Variants in RAP1GDS1 observed in about 807,000 individuals in gnomAD.
RAP1GDS1 encodes the protein Rap1 GTPase-GDP dissociation stimulator 1, also known as RAP1, GTP-GDP dissociation stimulator 1.
In RAP1GDS1, 35 loss-of-function variants were observed where a neutral mutation model predicts 71.1. The ratio of observed to expected loss-of-function variants is 0.49; its 90% CI spans 0.38 to 0.65. RAP1GDS1 has a LOEUF of 0.65. RAP1GDS1 is among the 30% of genes least tolerant of loss of function. The probability of loss-of-function intolerance (pLI) is 0.00; values close to 1 mark genes in which losing one functional copy is unlikely to be tolerated. For synonymous variants in RAP1GDS1, 229 were observed against 243.1 expected, an observed-to-expected ratio of 0.94 and a Z score of 0.54; for missense variants, 663 against 706.1, an observed-to-expected ratio of 0.94 and a Z score of 0.69.
At chr4:98,301,886 G>T (rs1408731772) in intron 2 of RAP1GDS1, among the ~76,000 whole-genome samples, 2 of 152,122 alleles carry the variant, frequency 1.3e-5, no homozygotes, top group African/African-American at 2.4e-5. Flanking sequence ...GAAGTGTTCT[G>T]TAGAAATAAG....
chr4:98,373,051 T>A (rs1242133833), intron 4 of RAP1GDS1, among the ~76,000 whole-genome samples: 1 of 152,244 alleles, frequency 6.6e-6, no homozygotes, highest in Non-Finnish European at 1.5e-5. Flanking sequence ...CTTAACATAC[T>A]TTTATCATTT....
chr4:98,393,454 A>C (rs1234311126), intron 6 of RAP1GDS1, among the ~76,000 whole-genome samples: 1 of 151,374 alleles, frequency 6.6e-6, no homozygotes, highest in Non-Finnish European at 1.5e-5. Flanking sequence ...AGTATTTGAC[A>C]AAGTTATTCT....
intron 2 of RAP1GDS1, among the ~76,000 whole-genome samples, chr4:98,303,414 G>A (rs1728855377): frequency 6.6e-6 from 1 of 151,722 alleles, no homozygotes; most frequent in Admixed American, 6.6e-5. Flanking sequence ...ATGTAAAATA[G>A]TCATTAATAG....
intron 3 of RAP1GDS1, among the ~76,000 whole-genome samples, chr4:98,344,033 G>T (rs77513208): frequency 6.6e-6 from 1 of 152,012 alleles, no homozygotes; most frequent in African/African-American, 2.4e-5. Flanking sequence ...AGGAATTTGC[G>T]TAATCATCAT....
chr4:98,265,504 A>C (rs1029163794), intron 1 of RAP1GDS1, among the ~76,000 whole-genome samples: 2 of 152,202 alleles, frequency 1.3e-5, no homozygotes, highest in Non-Finnish European at 2.9e-5. Flanking sequence ...GACTGAAACT[A>C]GATAAAAAAT....
intron 1 of RAP1GDS1, among the ~76,000 whole-genome samples, chr4:98,272,480 C>T (rs924230251): frequency 3.9e-5 from 6 of 152,070 alleles, no homozygotes; most frequent in Non-Finnish European, 7.4e-5. Flanking sequence ...CTTCATAGCT[C>T]GGTTCGTTCA....
At chr4:98,326,381 C>A (rs948574777) in intron 2 of RAP1GDS1, among the ~76,000 whole-genome samples, 2 of 152,136 alleles carry the variant, frequency 1.3e-5, no homozygotes, top group Non-Finnish European at 2.9e-5. Flanking sequence ...CAATATCTCC[C>A]TTTTTTCTTC....
rs76575214 is a variant in RAP1GDS1 at position 98,276,124 on chromosome 4, C to A, written c.4+14555C>A. ...TCAGTGTCTGGTCAAGGCCTGCCTC[C>A]TGGTTTATAGGTCATCTTTTCTATG... On this transcript the variant is annotated intron_variant, in intron 1 of 14. Transcript: ENST00000408927. Among the ~76,000 whole-genome samples the A allele has an allele frequency of 1.8e-4, 27 of 152,240 alleles. No homozygotes were observed. In the East Asian group the frequency reaches 4.8e-3, roughly 27 times the overall value.
At chr4:98,368,491 TAAATG>T (rs1308938609) in intron 4 of RAP1GDS1, among the ~76,000 whole-genome samples, 2 of 152,194 alleles carry the variant, frequency 1.3e-5, no homozygotes, top group Non-Finnish European at 2.9e-5. Context: ...AAGTCATAAA[TAAATG>T]AGAATGATGA....
At chr4:98,290,085 A>G (rs574488132) in intron 1 of RAP1GDS1, among the ~76,000 whole-genome samples, 58 of 152,274 alleles carry the variant, frequency 3.8e-4, no homozygotes, top group African/African-American at 1.3e-3. Flanking sequence ...TGTCGGTTTT[A>G]TCATCAGCAA....
intron 14 of RAP1GDS1, among the ~76,000 whole-genome samples, chr4:98,438,418 C>T (rs543025409): frequency 1.3e-5 from 2 of 151,346 alleles, no homozygotes; most frequent in Non-Finnish European, 2.9e-5. Context: ...CTACCAGTCC[C>T]TTTTGTGTAT....
At chr4:98,264,652 T>C (rs1319811767) in intron 1 of RAP1GDS1, among the ~76,000 whole-genome samples, 4 of 152,156 alleles carry the variant, frequency 2.6e-5, no homozygotes, top group Non-Finnish European at 5.9e-5. Flanking sequence ...CATACACAAA[T>C]TATAATAGAA....
intron 7 of RAP1GDS1, among the ~76,000 whole-genome samples, chr4:98,413,969 GTGA>G (rs1271230906): frequency 4.9e-4 from 75 of 152,326 alleles, no homozygotes; most frequent in Non-Finnish European, 8.5e-4. Context: ...CTGATGGCCA[GTGA>G]TGATGAGCAT....
intron 1 of RAP1GDS1, among the ~76,000 whole-genome samples, chr4:98,269,598 A>G (rs1723170675): frequency 6.6e-6 from 1 of 152,190 alleles, no homozygotes; most frequent in African/African-American, 2.4e-5. Context: ...CGTAAAAATA[A>G]TCAGGAACTC....
At chr4:98,369,928 A>G (rs1477688801) in intron 4 of RAP1GDS1, among the ~76,000 whole-genome samples, 1 of 152,234 alleles carries the variant, frequency 6.6e-6, no homozygotes, top group Non-Finnish European at 1.5e-5. Flanking sequence ...TTCTTTTTAT[A>G]TACATGTTAA....
intron 6 of RAP1GDS1, among the ~76,000 whole-genome samples, chr4:98,402,577 G>C (rs1471149009): frequency 6.6e-6 from 1 of 151,914 alleles, no homozygotes; most frequent in Non-Finnish European, 1.5e-5. Flanking sequence ...TTGTCATTTT[G>C]GAATAGATCC....
chr4:98,280,222 C>T (rs1227125025), intron 1 of RAP1GDS1, among the ~76,000 whole-genome samples: 2 of 152,218 alleles, frequency 1.3e-5, no homozygotes, highest in African/African-American at 2.4e-5. Flanking sequence ...TACAGTCCCA[C>T]CAACAGTGTA....
chr4:98,426,215 A>C (rs939527634), intron 12 of RAP1GDS1, among the ~76,000 whole-genome samples: 5 of 152,146 alleles, frequency 3.3e-5, no homozygotes, highest in African/African-American at 1.2e-4. Flanking sequence ...TCTGGGATAC[A>C]ACAAAGGCGT....
chr4:98,413,713 A>G (rs1178640598), intron 7 of RAP1GDS1, among the ~76,000 whole-genome samples: 1 of 152,128 alleles, frequency 6.6e-6, no homozygotes, highest in Non-Finnish European at 1.5e-5. Context: ...AGCATGATTT[A>G]TAGTCATTTG....
Sources: gnomAD v4.1 joint callset for allele counts (sites outside exome capture counted in the v4.1 genomes callset) on GRCh38, gnomAD v4.1.1 for gene constraint, MANE v1.5 for transcripts, NCBI Gene and HGNC (gene_info 2026-07-23, HGNC 2026-07-21) for gene names.